TGFBR2: variants seen among roughly 807,000 people sequenced by gnomAD.
TGFBR2 encodes the protein transforming growth factor beta receptor 2, also known as TGF-beta receptor type-2.
Under a neutral mutation model 49.0 loss-of-function variants are expected in TGFBR2, and 18 were observed. The observed-to-expected ratio is 0.37, with a 90% CI of 0.25 to 0.54. The LOEUF is 0.54. TGFBR2 is among the 20% of genes least tolerant of loss of function. TGFBR2 has a pLI of 0.85. For synonymous variants in TGFBR2, 282 were observed against 275.9 expected (o/e 1.02, Z -0.22); for missense variants, 525 against 722.6 (o/e 0.73, Z 3.13).
chr3:30,606,456 G>C (rs1697918986), upstream of TGFBR2: 1 of 237,130 alleles, frequency 4.2e-6, no homozygotes. Context: ...GGCTGGTCTA[G>C]GAAACATGAT....
intron 1 of TGFBR2, among the ~76,000 whole-genome samples, chr3:30,631,317 G>A (rs1225131578): frequency 6.6e-6 from 1 of 152,148 alleles, no homozygotes; most frequent in East Asian, 1.9e-4. Flanking sequence ...TGGGATTACA[G>A]GCGTGAGCCA....
chr3:30,674,666 ATTTACT>A (rs1293093240), intron 5 of TGFBR2, among the ~76,000 whole-genome samples: 1 of 152,080 alleles, frequency 6.6e-6, no homozygotes, highest in East Asian at 1.9e-4. Flanking sequence ...TTGATTCAAA[ATTTACT>A]TTTATGGACA....
intron 3 of TGFBR2, among the ~76,000 whole-genome samples, chr3:30,651,600 A>G (rs917836550): frequency 1.3e-5 from 2 of 152,218 alleles, no homozygotes; most frequent in Non-Finnish European, 2.9e-5. Context: ...GATGGATCTT[A>G]TCATGTCCCT....
chr3:30,655,760 A>G (rs1698982881), intron 3 of TGFBR2, among the ~76,000 whole-genome samples: 1 of 152,122 alleles, frequency 6.6e-6, no homozygotes, highest in African/African-American at 2.4e-5. Context: ...ATTTAAGGAG[A>G]TGATGCTTGG....
rs535875992 is a variant in TGFBR2 at position 30,669,739 on chromosome 3, G to C, written c.455-1899G>C. On this transcript the variant is annotated intron_variant, in intron 3 of 6. Coordinates refer to ENST00000295754, the MANE Select transcript of TGFBR2 (RefSeq NM_003242.6). ...CCTTAGTTCCTGCTGGCATTCACCC[G>C]TGCAAGCTCCCAGCTTGCCTGTCTA... Among the ~76,000 whole-genome samples, 4 of 152,294 alleles carry C rather than the reference G, an allele frequency of 2.6e-5. No individual in the cohort carries two copies. The South Asian group carries it at 8.3e-4, about 32-fold the overall frequency.
intron 1 of TGFBR2, among the ~76,000 whole-genome samples, chr3:30,624,384 G>A (rs1469910339): frequency 2.0e-5 from 3 of 152,088 alleles, no homozygotes; most frequent in African/African-American, 4.8e-5. Flanking sequence ...TTGGGAGGCC[G>A]AGGAGGGCAG....
rs901911133 is a variant in TGFBR2 at position 30,644,684 on chromosome 3, G to A, written c.95-63G>A. 2.7e-6 allele frequency: 4 copies of A among 1,497,860 alleles called. No individual in the cohort carries two copies. In the African/African-American group the frequency reaches 5.5e-5, roughly 21 times the overall value. The allele number at this position is 1,497,860 out of a possible 1,614,324, so 92.8% of individuals were successfully genotyped here. A position where few individuals can be genotyped will look rare whatever the true frequency, so the allele number is the denominator to read the frequency against. On this transcript the variant is annotated intron_variant, in intron 1 of 6. Transcript: ENST00000295754. ...ATTTGAAATTGCATAACATCTTCAG[G>A]AATTCATTGGCAGGCTGCCTGGCAG...
chr3:30,644,574 C>T (rs1274116850), intron 1 of TGFBR2, among the ~76,000 whole-genome samples, 173 bp from the exon 2 acceptor site: 2 of 152,168 alleles, frequency 1.3e-5, no homozygotes, highest in African/African-American at 4.8e-5. Flanking sequence ...GATTTTATTA[C>T]AAATTGCATA....
At chr3:30,674,376 C>T in intron 5 of TGFBR2, 130 bp downstream of exon 5, 1 of 1,252,578 alleles carries the variant, frequency 8.0e-7, no homozygotes, top group Non-Finnish European at 1.2e-6. Flanking sequence ...TATTATACAA[C>T]CATCCCAGAA....
At chr3:30,644,966 T>G in intron 2 of TGFBR2, 51 bp downstream of exon 2, 1 of 1,519,442 alleles carries the variant, frequency 6.6e-7, no homozygotes, top group African/African-American at 1.4e-5. Context: ...TTTTACATAA[T>G]GTATTCTCAT....
At chr3:30,649,506 A>C (rs1165112041) in intron 2 of TGFBR2, among the ~76,000 whole-genome samples, 1 of 152,220 alleles carries the variant, frequency 6.6e-6, no homozygotes, top group Non-Finnish European at 1.5e-5. Context: ...ATGTGCTATG[A>C]AGTGATACTG....
At chr3:30,664,505 C>CT (rs201745847) in intron 3 of TGFBR2, among the ~76,000 whole-genome samples, 9 of 151,438 alleles carry the variant, frequency 5.9e-5, no homozygotes, top group African/African-American at 1.7e-4. Flanking sequence ...ATGTCAAATT[C>CT]TTTTTTTTTC....
At chr3:30,684,583 G>C (rs1012371561) in intron 5 of TGFBR2, among the ~76,000 whole-genome samples, 1 of 152,146 alleles carries the variant, frequency 6.6e-6, no homozygotes, top group Non-Finnish European at 1.5e-5. Context: ...AGGCAGAAGA[G>C]TCATAAATTC....
At chr3:30,616,588 A>G (rs913954440) in intron 1 of TGFBR2, among the ~76,000 whole-genome samples, 1 of 152,216 alleles carries the variant, frequency 6.6e-6, no homozygotes, top group Non-Finnish European at 1.5e-5. Context: ...ACTAAATAAG[A>G]TTTCCAGTAT....
intron 5 of TGFBR2, 146 bp from the exon 6 acceptor site, chr3:30,688,238 A>G (rs1220020655): frequency 2.0e-6 from 2 of 996,446 alleles, no homozygotes; most frequent in Non-Finnish European, 3.2e-6. Context: ...CTTAGCCATT[A>G]TTATTAAAAT....
intron 1 of TGFBR2, among the ~76,000 whole-genome samples, chr3:30,629,170 A>T (rs781087031): frequency 5.9e-5 from 9 of 152,194 alleles, no homozygotes; most frequent in Non-Finnish European, 1.3e-4. Context: ...TATCCTGTCT[A>T]TTCCTGGCCA....
intron 2 of TGFBR2, among the ~76,000 whole-genome samples, chr3:30,650,002 G>C (rs746902289): frequency 6.6e-6 from 1 of 152,118 alleles, no homozygotes; most frequent in Non-Finnish European, 1.5e-5. Flanking sequence ...GGACTGCCCC[G>C]TGGAACGCTG....
intron 6 of TGFBR2, among the ~76,000 whole-genome samples, chr3:30,690,483 G>C (rs1415735775): frequency 6.6e-6 from 1 of 152,176 alleles, no homozygotes; most frequent in Non-Finnish European, 1.5e-5. Flanking sequence ...ACCCAATGTT[G>C]TTGGAGAGGA....
chr3:30,675,253 G>A (rs746344709), intron 5 of TGFBR2, among the ~76,000 whole-genome samples: 3 of 152,116 alleles, frequency 2.0e-5, no homozygotes, highest in Admixed American at 6.5e-5. Flanking sequence ...ACTGCCTTTC[G>A]CTGTCTCCTG....
Sources: allele counts gnomAD v4.1 joint callset (sites outside exome capture counted in the v4.1 genomes callset), GRCh38; gene constraint gnomAD v4.1.1; transcripts MANE v1.5; gene names NCBI Gene and HGNC (gene_info 2026-07-23, HGNC 2026-07-21).